Variants in CA10 observed in about 807,000 individuals in gnomAD.
CA10 encodes the protein carbonic anhydrase 10 (inactive).
CA10 carries 14 observed loss-of-function variants against 44.2 expected under a neutral mutation model. The ratio of observed to expected loss-of-function variants is 0.32; its 90% CI spans 0.21 to 0.50. CA10 has a LOEUF of 0.50. Among genes scored for constraint, CA10 ranks in the 20% least tolerant of loss-of-function variants. CA10 has a pLI of 0.99. For synonymous variants in CA10, 159 were observed against 141.6 expected (o/e 1.12, Z -0.87); for missense variants, 350 against 409.7 (o/e 0.85, Z 1.26).
rs1904752304 is a variant in CA10, at chr17:51,747,789, T to G, written c.309A>C (p.Arg103Ser). ...KVSGTMYNTG[R>S]HVSLRLDKEH... ...CCTTGTCCAGGCGAAGGGATACGTG[T>G]CTTCCAGTGTTGTACATGGTCCCAC... The change falls in exon 4 of 9, where the codon AGA becomes AGC. Residue 103 changes from arginine to serine, a missense_variant. Physicochemically the swap from Arg to Ser is moderately radical, Grantham distance 110. Transcript: ENST00000451037. 2 of 1,613,430 alleles carry G rather than the reference T, an allele frequency of 1.2e-6. No homozygotes were observed. The highest frequency in any genetic ancestry group is 8.5e-7 in the Non-Finnish European group (1 of 1,179,718).
intron 2 of CA10, among the ~76,000 whole-genome samples, chr17:52,054,187 T>C (rs910812104): frequency 6.6e-6 from 1 of 152,164 alleles, no homozygotes; most frequent in Non-Finnish European, 1.5e-5. Context: ...GAATTCTTTT[T>C]CTCAGCAAGG....
intron 1 of CA10, among the ~76,000 whole-genome samples, chr17:52,156,561 G>T (rs1989807837): frequency 6.6e-6 from 1 of 152,218 alleles, no homozygotes; most frequent in Admixed American, 6.5e-5. Flanking sequence ...CAGAACTAGG[G>T]TTGTTTTCTC....
chr17:52,061,281 G>A (rs1259556692), intron 2 of CA10, among the ~76,000 whole-genome samples: 1 of 152,132 alleles, frequency 6.6e-6, no homozygotes, highest in East Asian at 1.9e-4. Flanking sequence ...GATAACAGAA[G>A]CACAGGCTGG....
intron 1 of CA10, among the ~76,000 whole-genome samples, chr17:52,104,979 G>T (rs1175126948): frequency 6.6e-6 from 1 of 152,154 alleles, no homozygotes; most frequent in South Asian, 2.1e-4. Context: ...ACTGATGAAA[G>T]ATCAGCCTAG....
intron 3 of CA10, among the ~76,000 whole-genome samples, chr17:51,752,818 G>A (rs534574227): frequency 1.3e-5 from 2 of 152,244 alleles, no homozygotes; most frequent in South Asian, 4.1e-4. Flanking sequence ...TACTCGGAAG[G>A]CTGAGGCAGG....
chr17:52,101,018 A>G (rs1325161765), intron 1 of CA10, among the ~76,000 whole-genome samples: 1 of 152,114 alleles, frequency 6.6e-6, no homozygotes, highest in Non-Finnish European at 1.5e-5. Flanking sequence ...TTTTGGTTCT[A>G]AGTCAATGTA....
chr17:52,100,033 T>A (rs1010272359), intron 1 of CA10, among the ~76,000 whole-genome samples: 5 of 152,052 alleles, frequency 3.3e-5, no homozygotes, highest in African/African-American at 1.2e-4. Context: ...AAAATAATGA[T>A]TGTAGATAAT....
intron 2 of CA10, among the ~76,000 whole-genome samples, chr17:51,940,205 T>G (rs913241443): frequency 3.9e-5 from 6 of 152,132 alleles, no homozygotes; most frequent in African/African-American, 1.2e-4. Context: ...AGTTTCCATA[T>G]GTATTGGATT....
chr17:51,809,064 ATCT>A (rs1485652637), intron 3 of CA10, among the ~76,000 whole-genome samples: 1 of 152,034 alleles, frequency 6.6e-6, no homozygotes, highest in African/African-American at 2.4e-5. Context: ...TGGCATCTAG[ATCT>A]TCTCATAGCA....
intron 4 of CA10, among the ~76,000 whole-genome samples, chr17:51,726,348 T>C (rs1018947939): frequency 2.6e-5 from 4 of 152,186 alleles, no homozygotes; most frequent in African/African-American, 9.7e-5. Context: ...GAGGAATAAG[T>C]TCAAGAGATC....
At chr17:51,679,320 C>T (rs754952745) in intron 4 of CA10, among the ~76,000 whole-genome samples, 40 of 150,048 alleles carry the variant, frequency 2.7e-4, no homozygotes, top group Non-Finnish European at 5.0e-4. Flanking sequence ...AGTGCAGTGG[C>T]GTGATCTCTG....
At chr17:51,780,711 G>A (rs995758041) in intron 3 of CA10, among the ~76,000 whole-genome samples, 1 of 152,156 alleles carries the variant, frequency 6.6e-6, no homozygotes, top group Non-Finnish European at 1.5e-5. Flanking sequence ...AATTAGGGAC[G>A]TCTTCTCAGA....
chr17:51,997,726 G>T (rs2144114386), intron 2 of CA10, among the ~76,000 whole-genome samples: 1 of 152,168 alleles, frequency 6.6e-6, no homozygotes, highest in African/African-American at 2.4e-5. Flanking sequence ...AAGAATTTTA[G>T]ATGTAACACA....
At chr17:51,717,192 G>A (rs1011956221) in intron 4 of CA10, among the ~76,000 whole-genome samples, 1 of 152,094 alleles carries the variant, frequency 6.6e-6, no homozygotes, top group African/African-American at 2.4e-5. Flanking sequence ...CCTGTAGACA[G>A]AGGTGCTAGA....
chr17:52,145,728 AT>A (rs1458631281), intron 1 of CA10, among the ~76,000 whole-genome samples: 2 of 152,176 alleles, frequency 1.3e-5, no homozygotes, highest in African/African-American at 4.8e-5. Context: ...TGCTGAAAGG[AT>A]GTTTGAAAGA....
At chr17:52,004,524 A>G (rs749502192) in intron 2 of CA10, among the ~76,000 whole-genome samples, 36 of 152,070 alleles carry the variant, frequency 2.4e-4, no homozygotes, top group Non-Finnish European at 4.7e-4. Context: ...ATTTTCTTAG[A>G]AGTTCACAGT....
intron 2 of CA10, among the ~76,000 whole-genome samples, chr17:51,975,334 A>G (rs1038327948): frequency 6.6e-6 from 1 of 152,236 alleles, no homozygotes; most frequent in South Asian, 2.1e-4. Flanking sequence ...TTAAGTGTCA[A>G]CAGACTAAAT....
At chr17:52,086,195 T>C (rs566805963) in intron 1 of CA10, among the ~76,000 whole-genome samples, 1 of 152,288 alleles carries the variant, frequency 6.6e-6, no homozygotes, top group African/African-American at 2.4e-5. Context: ...ATATACAAAT[T>C]AAGATAATGA....
chr17:51,852,002 A>C (rs1436841484), intron 3 of CA10, among the ~76,000 whole-genome samples: 1 of 152,212 alleles, frequency 6.6e-6, no homozygotes, highest in African/African-American at 2.4e-5. Context: ...ACACATAATA[A>C]AGACTTCTAG....
Sources: gnomAD v4.1 joint callset for allele counts (sites outside exome capture counted in the v4.1 genomes callset) on GRCh38, gnomAD v4.1.1 for gene constraint, MANE v1.5 for transcripts, NCBI Gene and HGNC (gene_info 2026-07-23, HGNC 2026-07-21) for gene names.